Variants in KAT14 observed in about 807,000 individuals in gnomAD.
The protein encoded by KAT14 is lysine acetyltransferase 14.
A neutral mutation model predicts 78.4 loss-of-function variants in KAT14; 66 were observed. The observed-to-expected ratio is 0.84, with a 90% CI of 0.69 to 1.03. The LOEUF is 1.03. Ranked by LOEUF, KAT14 falls within the 50% of genes least tolerant of loss-of-function variation. The probability of loss-of-function intolerance (pLI) is 0.00; values close to 1 mark genes in which losing one functional copy is unlikely to be tolerated. For synonymous variants in KAT14, 344 were observed against 359.4 expected, an observed-to-expected ratio of 0.96 and a Z score of 0.48; for missense variants, 870 against 972.5, an observed-to-expected ratio of 0.89 and a Z score of 1.40.
At chr20:18,187,187 T>G in intron 10 of KAT14, 99 bp from the exon 11 acceptor site, 2 of 1,447,920 alleles carry the variant, frequency 1.4e-6, no homozygotes, top group Non-Finnish European at 1.8e-6. Flanking sequence ...TTCTCCGGTT[T>G]CCATAACTAA....
At chr20:18,154,175 T>G (rs927110435) in intron 4 of KAT14, among the ~76,000 whole-genome samples, 1 of 152,220 alleles carries the variant, frequency 6.6e-6, no homozygotes, top group Admixed American at 6.5e-5. Flanking sequence ...CTCAGACATT[T>G]CTGTGTATGA....
chr20:18,156,768 C>T (rs35183839), intron 4 of KAT14, among the ~76,000 whole-genome samples: 13,178 of 152,196 alleles, frequency 0.087, 754 homozygotes, highest in East Asian at 0.25. Flanking sequence ...CCTCTCTACA[C>T]GTCTGTCTCT....
At chr20:18,166,153 G>A (rs1288797613) in intron 7 of KAT14, among the ~76,000 whole-genome samples, 4 of 152,200 alleles carry the variant, frequency 2.6e-5, no homozygotes, top group Admixed American at 6.5e-5. Flanking sequence ...TGTAGAAAGG[G>A]TGCTCAGTTG....
At position 18,183,240 on chromosome 20, in the gene KAT14, T is replaced by G. The variant is rs773985302; in HGVS notation, c.1923T>G (p.Tyr641Ter). ...PEPDAPLDYC[Y>*]VRPNHIPTIN... Reference sequence around the variant, plus strand: ...CCGACGCACCTCTCGATTACTGTTATGTGCGGCCAAATCACATCCCAACGA... The same window carrying G: ...CCGACGCACCTCTCGATTACTGTTAGGTGCGGCCAAATCACATCCCAACGA... Residue 641 changes from tyrosine (Y) to a stop codon, truncating the protein, a stop_gained, in exon 9 of 11, where the codon TAT becomes TAG. Transcript: ENST00000688188. LOFTEE classifies it high-confidence loss of function. The G allele has an allele frequency of 6.2e-7, 1 of 1,614,188 alleles. No individual in the cohort carries two copies. Among genetic ancestry groups the G allele is most frequent in the South Asian group, 1.1e-5 (1 of 91,082 alleles).
chr20:18,152,092 C>T (rs989862761), intron 4 of KAT14, among the ~76,000 whole-genome samples: 9 of 151,878 alleles, frequency 5.9e-5, no homozygotes, highest in Non-Finnish European at 1.0e-4. Context: ...AGTTGTATTA[C>T]ATGAGACTGT....
chr20:18,146,746 G>A (rs1294948102), intron 3 of KAT14, among the ~76,000 whole-genome samples: 1 of 152,062 alleles, frequency 6.6e-6, no homozygotes, highest in Non-Finnish European at 1.5e-5. Flanking sequence ...TCAGGAGACT[G>A]ATGTGGGAGG....
At chr20:18,173,102 A>G in intron 7 of KAT14, among the ~76,000 whole-genome samples, 1 of 152,218 alleles carries the variant, frequency 6.6e-6, no homozygotes, top group Non-Finnish European at 1.5e-5. Context: ...GGCAGGTGTT[A>G]CTAAGAACAC....
At chr20:18,143,430 A>G (rs1600214935) in intron 2 of KAT14, among the ~76,000 whole-genome samples, 1 of 149,376 alleles carries the variant, frequency 6.7e-6, no homozygotes, top group South Asian at 2.1e-4. Flanking sequence ...TACCTCATAC[A>G]CACTCCCTGA....
chr20:18,137,779 C>T, upstream of KAT14: 4 of 580,664 alleles, frequency 6.9e-6, no homozygotes, highest in East Asian at 3.5e-5. Context: ...GCCTGGGCGC[C>T]GCTCTATGCT....
At position 18,142,321 on chromosome 20, in the gene KAT14, G is replaced by A. The variant is rs1166822852; in HGVS notation, c.-340G>A. On this transcript the variant is annotated 5_prime_UTR_variant, in exon 2 of 11. Transcript: ENST00000688188. ...CTGAGCAACTTGAAGCAGAAAGAGA[G>A]AAGATGTTATTGGCAAAAGGATCTC... is the stretch of plus-strand genomic sequence containing the variant. 6.5e-7 allele frequency: 1 copy of A among 1,537,018 alleles called. No homozygotes were observed. Among genetic ancestry groups the A allele is most frequent in the African/African-American group, 1.4e-5 (1 of 73,162 alleles).
At position 18,139,633 on chromosome 20, in the gene KAT14, CGTGTGTGTGTGTGTGTGTGT is replaced by C. The variant is rs71194228; in HGVS notation, c.-454+1605_-454+1624del. Reference sequence around the variant, plus strand: ...AGTTAGAGCTGAAGAACCAAAATAACGTGTGTGTGTGTGTGTGTGTGTGTGTGTGTGTGTGTGTGTGTTTA... The same window carrying C: ...AGTTAGAGCTGAAGAACCAAAATAACGTGTGTGTGTGTGTGTGTGTGTTTA... On this transcript the variant is annotated intron_variant, in intron 1 of 10. Coordinates refer to ENST00000688188, the MANE Select transcript of KAT14 (RefSeq NM_001392073.1). Among the ~76,000 whole-genome samples, 7 of 141,720 alleles carry C rather than the reference CGTGTGTGTGTGTGTGTGTGT, an allele frequency of 4.9e-5. 1 individual carries two copies. Among genetic ancestry groups the C allele is most frequent in the African/African-American group, 1.8e-4 (7 of 39,428 alleles). The allele number at this position is 141,720 out of a possible 152,430, so 93.0% of individuals were successfully genotyped here. A position where few individuals can be genotyped will look rare whatever the true frequency, so the allele number is the denominator to read the frequency against.
chr20:18,137,935 G>T lies in KAT14; in HGVS notation c.-570G>T. ...CGCCTCGGGCGGGCGGGAGAGAGAG[G>T]CCGCGGCCGCCAGCGTGGGGATGTC... is the stretch of plus-strand genomic sequence containing the variant. On this transcript the variant is annotated 5_prime_UTR_variant, in exon 1 of 11. Coordinates refer to ENST00000688188, the MANE Select transcript of KAT14 (RefSeq NM_001392073.1). 2 of 1,478,864 alleles carry T rather than the reference G, an allele frequency of 1.4e-6. No homozygotes were observed. The allele number at this position is 1,478,864 out of a possible 1,614,324, so 91.6% of individuals were successfully genotyped here.
Position 18,142,430 on chromosome 20 carries a change from G to T in KAT14, c.-231G>T. ...TGTGTTGATGGAGAGTAGCTTAGTA[G>T]TATCTTCATCTTTTTTTTTGGTCAC... On this transcript the variant is annotated 5_prime_UTR_variant, in exon 2 of 11. Coordinates refer to ENST00000688188, the MANE Select transcript of KAT14 (RefSeq NM_001392073.1). 1 of 1,444,082 alleles carries T rather than the reference G, an allele frequency of 6.9e-7. No individual in the cohort carries two copies. The highest frequency in any genetic ancestry group is 9.0e-7 in the Non-Finnish European group (1 of 1,106,996). 89.5% of individuals were successfully genotyped at this position (1,444,082 alleles called of 1,614,324 possible).
At chr20:18,145,759 C>T (rs1006859989) in intron 3 of KAT14, among the ~76,000 whole-genome samples, 4 of 150,892 alleles carry the variant, frequency 2.7e-5, no homozygotes, top group African/African-American at 7.3e-5. Flanking sequence ...CCAGCTTGGG[C>T]GACAAAGTGT....
intron 7 of KAT14, 69 bp from the exon 8 acceptor site, chr20:18,181,641 T>C (rs1267125732): frequency 4.4e-6 from 7 of 1,600,154 alleles, no homozygotes; most frequent in Admixed American, 3.4e-5. Context: ...AGTGTTGGGA[T>C]TACCGGCATG....
chr20:18,138,211 CGCT>C, intron 1 of KAT14, 160 bp downstream of exon 1: 3 of 1,269,028 alleles, frequency 2.4e-6, no homozygotes, highest in Non-Finnish European at 3.0e-6. Flanking sequence ...GGCCGGCGGC[CGCT>C]CTGCTGGGCT....
intron 7 of KAT14, among the ~76,000 whole-genome samples, chr20:18,167,714 T>G (rs773969154): frequency 3.3e-5 from 5 of 152,208 alleles, no homozygotes; most frequent in Non-Finnish European, 5.9e-5. Context: ...AAGCTATGTT[T>G]TGGTAATTGA....
intron 7 of KAT14, among the ~76,000 whole-genome samples, chr20:18,163,967 G>T (rs1309587048): frequency 6.6e-6 from 1 of 152,104 alleles, no homozygotes; most frequent in Non-Finnish European, 1.5e-5. Flanking sequence ...ATTATTTTAG[G>T]CTTTGCCGGC....
At chr20:18,177,695 C>T (rs1340127138) in intron 7 of KAT14, among the ~76,000 whole-genome samples, 1 of 152,200 alleles carries the variant, frequency 6.6e-6, no homozygotes, top group Non-Finnish European at 1.5e-5. Context: ...TAAGAGCAAA[C>T]TGATTCTACA....
Sources: allele counts gnomAD v4.1 joint callset (sites outside exome capture counted in the v4.1 genomes callset), GRCh38; gene constraint gnomAD v4.1.1; transcripts MANE v1.5; gene names NCBI Gene and HGNC (gene_info 2026-07-23, HGNC 2026-07-21).